Variants in GUCY2F observed in about 807,000 individuals in gnomAD.
GUCY2F encodes the protein guanylate cyclase 2F, retinal, also known as retinal guanylyl cyclase 2.
Under a neutral mutation model 73.1 loss-of-function variants are expected in GUCY2F, and 61 were observed. The observed-to-expected ratio is 0.83, with a 90% confidence interval of 0.68 to 1.03. The LOEUF is 1.03. Among genes scored for constraint, GUCY2F ranks in the 50% least tolerant of loss-of-function variants. The probability of loss-of-function intolerance (pLI) is 0.00; values close to 1 mark genes in which losing one functional copy is unlikely to be tolerated. For synonymous variants in GUCY2F, 331 were observed against 307.8 expected (o/e 1.08, Z -0.79); for missense variants, 912 against 854.3 (o/e 1.07, Z -0.84).
intron 11 of GUCY2F, among the ~76,000 whole-genome samples, chrX:109,397,031 C>G (rs1930726946): frequency 8.9e-6 from 1 of 112,059 alleles, no homozygotes; most frequent in Non-Finnish European, 1.9e-5. Flanking sequence ...TATAAGTGCT[C>G]TAGCTGAGAT....
intron 1 of GUCY2F, among the ~76,000 whole-genome samples, chrX:109,478,576 A>G (rs1396333559): frequency 8.9e-6 from 1 of 112,451 alleles, no homozygotes; most frequent in Non-Finnish European, 1.9e-5. Flanking sequence ...GTTCCTTCCC[A>G]GTATCTGTGC....
At chrX:109,395,605 G>T in intron 11 of GUCY2F, 116 bp from the exon 12 acceptor site, 1 of 567,345 alleles carries the variant, frequency 1.8e-6, no homozygotes, top group Non-Finnish European at 2.9e-6. Flanking sequence ...ACACAGAAGG[G>T]CCATCTCCTT....
At chrX:109,439,811 G>A (rs1003092940) in intron 7 of GUCY2F, among the ~76,000 whole-genome samples, 4 of 111,257 alleles carry the variant, frequency 3.6e-5, no homozygotes, top group Non-Finnish European at 3.8e-5. Context: ...TGTCTTTAAC[G>A]TACATATTTT....
chrX:109,423,958 A>G (rs1931427166), intron 8 of GUCY2F, among the ~76,000 whole-genome samples: 1 of 111,766 alleles, frequency 8.9e-6, no homozygotes, highest in Non-Finnish European at 1.9e-5. Flanking sequence ...TTCAAAGTTG[A>G]TATTTGGAAA....
At chrX:109,417,834 G>A in intron 8 of GUCY2F, among the ~76,000 whole-genome samples, 1 of 111,047 alleles carries the variant, frequency 9.0e-6, no homozygotes, top group East Asian at 2.8e-4. Flanking sequence ...TAGCTAAATT[G>A]GCTATGTTAT....
intron 2 of GUCY2F, among the ~76,000 whole-genome samples, chrX:109,471,938 T>C (rs753256956): frequency 1.3e-4 from 15 of 112,246 alleles, no homozygotes; most frequent in South Asian, 3.7e-4. Context: ...TTGCTTTTAT[T>C]GTCTCTATGG....
At chrX:109,394,051 G>T (rs181631528) in intron 12 of GUCY2F, among the ~76,000 whole-genome samples, 12 of 111,382 alleles carry the variant, frequency 1.1e-4, no homozygotes, top group African/African-American at 3.6e-4. Flanking sequence ...GATGCTTTGG[G>T]CTCCCCCTAT....
intron 8 of GUCY2F, among the ~76,000 whole-genome samples, chrX:109,422,037 A>T (rs779658667): frequency 1.2e-4 from 13 of 111,806 alleles, no homozygotes; most frequent in African/African-American, 3.9e-4. Context: ...ATACTAATTT[A>T]TTTTAATAGA....
At chrX:109,463,360 T>C (rs1275312508) in intron 3 of GUCY2F, among the ~76,000 whole-genome samples, 2 of 110,451 alleles carry the variant, frequency 1.8e-5, no homozygotes, top group Non-Finnish European at 3.8e-5. Flanking sequence ...GGCATGGGCA[T>C]GGGACACAAT....
intron 17 of GUCY2F, among the ~76,000 whole-genome samples, chrX:109,380,801 G>A (rs1250063113): frequency 8.9e-6 from 1 of 112,102 alleles, no homozygotes; most frequent in African/African-American, 3.2e-5. Context: ...TCGTTTTTCA[G>A]TTTCAAAAGT....
At chrX:109,422,565 A>G (rs1459066742) in intron 8 of GUCY2F, among the ~76,000 whole-genome samples, 3 of 112,151 alleles carry the variant, frequency 2.7e-5, no homozygotes, top group Non-Finnish European at 5.7e-5. Flanking sequence ...AAAAAACACT[A>G]TGAGATAACC....
chrX:109,454,949 T>C (rs911350122), intron 3 of GUCY2F, among the ~76,000 whole-genome samples: 1 of 111,151 alleles, frequency 9.0e-6, no homozygotes, highest in East Asian at 2.8e-4. Context: ...ACAACCTTCA[T>C]GTGAAAAAAA....
chrX:109,422,261 T>G (rs1460272315), intron 8 of GUCY2F, among the ~76,000 whole-genome samples: 1 of 111,555 alleles, frequency 9.0e-6, no homozygotes, highest in Non-Finnish European at 1.9e-5. Flanking sequence ...ATAAACACAA[T>G]GAAACATTAT....
chrX:109,376,072 C>T lies in GUCY2F; in HGVS notation c.3239+7G>A. 1 of 1,182,974 alleles carries T rather than the reference C, an allele frequency of 8.5e-7. No individual in the cohort carries two copies. The highest frequency in any genetic ancestry group is 1.2e-6 in the Non-Finnish European group (1 of 869,219). On this transcript the variant is annotated splice_region_variant and intron_variant, in intron 18 of 19. Transcript: ENST00000218006. ...GAAGACTCCAATTAAATGTGAACTC[C>T]ACTTACCCATCTTTGTCCACTGGTG...
intron 8 of GUCY2F, among the ~76,000 whole-genome samples, chrX:109,414,610 G>T (rs888780611): frequency 8.9e-5 from 10 of 112,296 alleles, no homozygotes; most frequent in Middle Eastern, 4.6e-3. Context: ...TTAACCAGAT[G>T]ATTACACAAT....
chrX:109,451,101 G>T (rs763099698), intron 5 of GUCY2F, among the ~76,000 whole-genome samples: 1 of 112,013 alleles, frequency 8.9e-6, no homozygotes, highest in East Asian at 2.8e-4. Flanking sequence ...TTGCAGGGTA[G>T]CAATGGGAAA....
At chrX:109,476,759 TAGATAGATAGATAGAC>T (rs1481762364) in intron 1 of GUCY2F, among the ~76,000 whole-genome samples, 21 of 106,525 alleles carry the variant, frequency 2.0e-4, no homozygotes, top group African/African-American at 7.0e-4. Flanking sequence ...GATAGATAGA[TAGATAGATAGATAGAC>T]AGACTATATA....
chrX:109,463,920 T>C (rs1374949490), intron 3 of GUCY2F, among the ~76,000 whole-genome samples: 1 of 112,247 alleles, frequency 8.9e-6, no homozygotes, highest in Non-Finnish European at 1.9e-5. Context: ...ACATGTTTCA[T>C]TGATGACATC....
chrX:109,385,293 TC>T lies in GUCY2F; in HGVS notation c.2957-12del. On this transcript the variant is annotated splice_polypyrimidine_tract_variant and intron_variant, in intron 15 of 19. Coordinates refer to ENST00000218006, the MANE Select transcript of GUCY2F (RefSeq NM_001522.3). ...CAGCAACAACCGGCCCTATAGAGTA[TC>T]AGGGGGTTGGAATTACAGTCAACAG... 1 of 1,023,806 alleles carries T rather than the reference TC, an allele frequency of 9.8e-7. No individual in the cohort carries two copies. The highest frequency in any genetic ancestry group is 1.4e-6 in the Non-Finnish European group (1 of 731,539). The allele number at this position is 1,023,806 out of a possible 1,213,427, so 84.4% of individuals were successfully genotyped here.
Sources: allele counts gnomAD v4.1 joint callset (sites outside exome capture counted in the v4.1 genomes callset), GRCh38; gene constraint gnomAD v4.1.1; transcripts MANE v1.5; gene names NCBI Gene and HGNC (gene_info 2026-07-23, HGNC 2026-07-21).